SLC16A6: variants seen among roughly 807,000 people sequenced by gnomAD.
SLC16A6 encodes the protein solute carrier family 16 member 6, also known as monocarboxylate transporter 7.
A neutral mutation model predicts 33.8 loss-of-function variants in SLC16A6; 15 were observed. The ratio of observed to expected loss-of-function variants is 0.44; its 90% CI spans 0.30 to 0.68. The LOEUF (loss-of-function observed/expected upper bound fraction) is 0.68. Among genes scored for constraint, SLC16A6 ranks in the 30% least tolerant of loss-of-function variants. SLC16A6 has a pLI of 0.10. For synonymous variants in SLC16A6, 219 were observed against 248.4 expected (o/e 0.88, Z 1.11); for missense variants, 451 against 661.5 (o/e 0.68, Z 3.49).
chr17:68,283,878 CAAAAA>C (rs58291216), intron 1 of SLC16A6, among the ~76,000 whole-genome samples: 1 of 55,432 alleles, frequency 1.8e-5, no homozygotes. Flanking sequence ...AACTCCGTCT[CAAAAA>C]AAAAAAAAAA....
At chr17:68,276,097 CTTTT>C (rs1295936506) in intron 2 of SLC16A6, among the ~76,000 whole-genome samples, 1 of 151,896 alleles carries the variant, frequency 6.6e-6, no homozygotes, top group Non-Finnish European at 1.5e-5. Context: ...CTCTCTCTCT[CTTTT>C]TTTATTTTTT....
In SLC16A6 at chr17:68,268,089, C is replaced by A. The variant is rs540183827; in HGVS notation, c.*1007G>T. The A allele has an allele frequency of 3.9e-5, 6 of 152,248 alleles. No homozygotes were observed. The highest frequency in any genetic ancestry group is 2.6e-4 in the Admixed American group (4 of 15,282). The allele number at this position is 152,248 out of a possible 1,614,324, so 9.4% of individuals were successfully genotyped here. On this transcript the variant is annotated 3_prime_UTR_variant, in exon 6 of 6. Coordinates refer to ENST00000580666, the MANE Select transcript of SLC16A6 (RefSeq NM_004694.5). ...TCCCCTTTAATAGCACACGTTGCCC[C>A]TAATCAAATGGAAGAATCATGACAA...
At chr17:68,274,202 A>C in intron 2 of SLC16A6, 132 bp from the exon 3 acceptor site, 2 of 924,712 alleles carry the variant, frequency 2.2e-6, no homozygotes, top group African/African-American at 1.7e-5. Flanking sequence ...GCAGTGGCTC[A>C]TGCCTGTAAT....
chr17:68,289,831 G>T (rs1555755239), intron 1 of SLC16A6, among the ~76,000 whole-genome samples: 1 of 152,120 alleles, frequency 6.6e-6, no homozygotes, highest in Non-Finnish European at 1.5e-5. Flanking sequence ...AGGGTTAGTG[G>T]TACTCATTAC....
chr17:68,277,408 G>A (rs2075559105), intron 2 of SLC16A6, among the ~76,000 whole-genome samples: 1 of 151,734 alleles, frequency 6.6e-6, no homozygotes, highest in African/African-American at 2.4e-5. Context: ...GGGATTACAG[G>A]CGTGAGCCAC....
chr17:68,286,048 C>A (rs1369841813), intron 1 of SLC16A6, among the ~76,000 whole-genome samples: 2 of 152,266 alleles, frequency 1.3e-5, no homozygotes, highest in East Asian at 3.9e-4. Context: ...TGTGAGCCAC[C>A]GCGCCTGGCA....
chr17:68,289,980 G>A (rs1164584735), intron 1 of SLC16A6, among the ~76,000 whole-genome samples: 1 of 152,172 alleles, frequency 6.6e-6, no homozygotes, highest in Admixed American at 6.5e-5. Flanking sequence ...CCCCAAAAAT[G>A]CCACATAACG....
rs782681938 is a variant in SLC16A6, at chr17:68,270,879, G to A, written c.1281C>T (p.Phe427=). The A allele has an allele frequency of 3.7e-6, 6 of 1,614,134 alleles. No individual in the cohort carries two copies. The highest frequency in any genetic ancestry group is 1.1e-5 in the South Asian group (1 of 91,076). ...KMSSAAGVYI[F]IQSIAGLAGP... Reference sequence around the variant, plus strand: ...CAGCCAGTCCTGCTATGCTCTGAATGAAGATGTAGACCCCAGCTGCAGAAG... The same window carrying A: ...CAGCCAGTCCTGCTATGCTCTGAATAAAGATGTAGACCCCAGCTGCAGAAG... The change falls in exon 5 of 6, where the codon TTC becomes TTT. Residue 427 remains phenylalanine (F), a synonymous_variant. Transcript: ENST00000580666.
chr17:68,285,969 C>A (rs2075832489), intron 1 of SLC16A6, among the ~76,000 whole-genome samples: 1 of 152,116 alleles, frequency 6.6e-6, no homozygotes, highest in African/African-American at 2.4e-5. Flanking sequence ...CCATGTTGGC[C>A]AGGCCGGTCT....
chr17:68,271,738 G>T lies in SLC16A6; in HGVS notation c.506-84C>A. On this transcript the variant is annotated intron_variant, in intron 4 of 5. Coordinates refer to ENST00000580666, the MANE Select transcript of SLC16A6 (RefSeq NM_004694.5). The surrounding 1 kb of genome is among the most constrained non-coding windows in gnomAD (Gnocchi z 5.3). ...AGGAGAAGCCATCAAGAAGAAATATGGATCCAGATTTTGTTATAAGTTCTG... is the reference window on the plus strand; with the variant it reads ...AGGAGAAGCCATCAAGAAGAAATATTGATCCAGATTTTGTTATAAGTTCTG... 1 of 1,034,922 alleles carries T rather than the reference G, an allele frequency of 9.7e-7. No individual in the cohort carries two copies. Among genetic ancestry groups the T allele is most frequent in the Non-Finnish European group, 1.4e-6 (1 of 710,152 alleles). The allele number at this position is 1,034,922 out of a possible 1,614,324, so 64.1% of individuals were successfully genotyped here. A position where few individuals can be genotyped will look rare whatever the true frequency, so the allele number is the denominator to read the frequency against.
At chr17:68,276,605 T>G (rs2075530413) in intron 2 of SLC16A6, among the ~76,000 whole-genome samples, 1 of 152,098 alleles carries the variant, frequency 6.6e-6, no homozygotes, top group African/African-American at 2.4e-5. Flanking sequence ...TGTACCACCA[T>G]GCCCGGCCAA....
intron 2 of SLC16A6, among the ~76,000 whole-genome samples, chr17:68,276,865 C>T (rs2075540602): frequency 6.6e-6 from 1 of 152,122 alleles, no homozygotes; most frequent in Non-Finnish European, 1.5e-5. Flanking sequence ...TTCAATAGCC[C>T]TTTATAGGAC....
chr17:68,278,617 CTTTT>C (rs56870988), intron 1 of SLC16A6, among the ~76,000 whole-genome samples: 10 of 111,982 alleles, frequency 8.9e-5, no homozygotes, highest in Admixed American at 3.0e-4. Context: ...TTTCTTTTTC[CTTTT>C]TTTTTTTTTT....
At chr17:68,288,911 C>T (rs567163619) in intron 1 of SLC16A6, among the ~76,000 whole-genome samples, 3 of 152,174 alleles carry the variant, frequency 2.0e-5, no homozygotes, top group Non-Finnish European at 4.4e-5. Context: ...TTCCAACTTA[C>T]AAAACTCGAC....
intron 3 of SLC16A6, 157 bp downstream of exon 3, chr17:68,273,770 T>C (rs1037367193): frequency 6.0e-6 from 5 of 832,794 alleles, no homozygotes; most frequent in Non-Finnish European, 9.1e-6. Flanking sequence ...CTGAAGTCCA[T>C]ATAGCTCAGT....
At chr17:68,276,870 T>C (rs1325430573) in intron 2 of SLC16A6, among the ~76,000 whole-genome samples, 2 of 152,208 alleles carry the variant, frequency 1.3e-5, no homozygotes, top group African/African-American at 2.4e-5. Flanking sequence ...TAGCCCTTTA[T>C]AGGACCAAGT....
At chr17:68,269,958 C>T (rs1222267573) in intron 5 of SLC16A6, among the ~76,000 whole-genome samples, 4 of 152,150 alleles carry the variant, frequency 2.6e-5, no homozygotes, top group African/African-American at 9.7e-5. Context: ...GAGGCATGAG[C>T]CACTGCGCCC....
intron 1 of SLC16A6, chr17:68,285,629 C>A (rs1020545929): frequency 1.3e-5 from 2 of 152,090 alleles, no homozygotes; most frequent in Admixed American, 1.3e-4. Context: ...GAGATTGTGC[C>A]GCTGCGCTCC....
intron 2 of SLC16A6, among the ~76,000 whole-genome samples, chr17:68,277,410 G>A (rs570187798): frequency 3.9e-5 from 6 of 151,990 alleles, no homozygotes; most frequent in South Asian, 2.1e-4. Context: ...GATTACAGGC[G>A]TGAGCCACCG....
Sources: gnomAD v4.1 joint callset for allele counts (sites outside exome capture counted in the v4.1 genomes callset) on GRCh38, gnomAD v4.1.1 for gene constraint, Gnocchi (gnomAD v3.1) non-coding constraint, MANE v1.5 for transcripts, NCBI Gene and HGNC (gene_info 2026-07-23, HGNC 2026-07-21) for gene names.